The following RBMS1 variants were observed in gnomAD, a reference collection of about 807,000 sequenced individuals.
RBMS1 encodes RNA binding motif single stranded interacting protein 1.
In RBMS1, 17 loss-of-function variants were observed where a neutral mutation model predicts 62.3. That is an observed-to-expected ratio of 0.27 (90% CI 0.19 to 0.41). RBMS1 has a LOEUF of 0.41. Among genes scored for constraint, RBMS1 ranks in the 10% least tolerant of loss-of-function variants. The pLI is 1.00. For missense variants in RBMS1, 334 were observed against 504.5 expected (o/e 0.66, Z 3.24); for synonymous variants, 172 against 170.0 (o/e 1.01, Z -0.09).
At chr2:160,326,028 G>T (rs994860865) in intron 2 of RBMS1, among the ~76,000 whole-genome samples, 6 of 152,158 alleles carry the variant, frequency 3.9e-5, no homozygotes, top group African/African-American at 1.4e-4. Flanking sequence ...TTATATGGCT[G>T]AGTGTACCTT....
chr2:160,457,126 A>C (rs7422004), intron 1 of RBMS1, among the ~76,000 whole-genome samples: 3 of 150,950 alleles, frequency 2.0e-5, no homozygotes, highest in Admixed American at 6.6e-5. Flanking sequence ...TTATTTAATT[A>C]ATTTATTTAT....
chr2:160,394,265 A>G (rs1695019660), intron 1 of RBMS1, among the ~76,000 whole-genome samples: 1 of 152,220 alleles, frequency 6.6e-6, no homozygotes, highest in Non-Finnish European at 1.5e-5. Flanking sequence ...TGTTCCTCAC[A>G]GACGAGCCTT....
intron 1 of RBMS1, among the ~76,000 whole-genome samples, chr2:160,433,463 A>AT (rs1682985735): frequency 6.6e-6 from 1 of 152,258 alleles, no homozygotes; most frequent in African/African-American, 2.4e-5. Flanking sequence ...AAGTTTGTTC[A>AT]CAGTTATGAG....
intron 1 of RBMS1, among the ~76,000 whole-genome samples, chr2:160,422,456 A>G (rs974507808): frequency 6.6e-6 from 1 of 152,160 alleles, no homozygotes; most frequent in African/African-American, 2.4e-5. Context: ...ATTGTGCCAG[A>G]CATTGTTTTA....
intron 1 of RBMS1, among the ~76,000 whole-genome samples, chr2:160,451,302 TG>T (rs1349710654): frequency 1.2e-4 from 18 of 152,208 alleles, no homozygotes; most frequent in South Asian, 4.1e-4. Flanking sequence ...CTTTGGGTGT[TG>T]GTTGTTTTGT....
At chr2:160,280,359 T>C (rs893229946) in intron 10 of RBMS1, among the ~76,000 whole-genome samples, 3 of 152,204 alleles carry the variant, frequency 2.0e-5, no homozygotes, top group African/African-American at 7.2e-5. Flanking sequence ...GCCTCTCCTA[T>C]TTCATCACCT....
intron 2 of RBMS1, among the ~76,000 whole-genome samples, chr2:160,347,818 T>G (rs558024588): frequency 6.6e-6 from 1 of 152,216 alleles, no homozygotes; most frequent in Admixed American, 6.5e-5. Context: ...TCTAGCCCAA[T>G]AACACACCAG....
At chr2:160,463,081 A>G (rs550354277) in intron 1 of RBMS1, among the ~76,000 whole-genome samples, 17 of 145,826 alleles carry the variant, frequency 1.2e-4, no homozygotes, top group Admixed American at 1.3e-4. Flanking sequence ...ACCCGCTGTC[A>G]AGAGAAGAAA....
At chr2:160,416,785 T>G (rs1574031616) in intron 1 of RBMS1, among the ~76,000 whole-genome samples, 1 of 152,208 alleles carries the variant, frequency 6.6e-6, no homozygotes, top group African/African-American at 2.4e-5. Flanking sequence ...TGAATGCTAC[T>G]GTCTCTCCTT....
chr2:160,488,446 C>T (rs1006248401), intron 1 of RBMS1, among the ~76,000 whole-genome samples: 1 of 152,080 alleles, frequency 6.6e-6, no homozygotes, highest in Non-Finnish European at 1.5e-5. Flanking sequence ...AATTGTGGCA[C>T]GCGCCTGTAG....
intron 1 of RBMS1, chr2:160,407,643 C>T: frequency 1.0e-6 from 1 of 982,008 alleles, no homozygotes; most frequent in Non-Finnish European, 1.2e-6. Context: ...CGCGGCAGCT[C>T]TGGGAACTCC....
intron 6 of RBMS1, among the ~76,000 whole-genome samples, chr2:160,299,254 G>A (rs969645965): frequency 3.3e-5 from 5 of 152,320 alleles, no homozygotes; most frequent in Middle Eastern, 3.4e-3. Context: ...AGGAACCAGA[G>A]TGCTTAGTTT....
At chr2:160,481,251 A>G (rs1012838163) in intron 1 of RBMS1, among the ~76,000 whole-genome samples, 5 of 152,030 alleles carry the variant, frequency 3.3e-5, no homozygotes, top group African/African-American at 1.2e-4. Flanking sequence ...GGTGGAACAA[A>G]CAACAATAAC....
intron 2 of RBMS1, among the ~76,000 whole-genome samples, chr2:160,346,077 G>C (rs10168504): frequency 2.0e-5 from 3 of 151,984 alleles, no homozygotes; most frequent in Non-Finnish European, 4.4e-5. Context: ...AGCCTTCTCC[G>C]GTCTTTAGGG....
intron 1 of RBMS1, among the ~76,000 whole-genome samples, chr2:160,383,324 T>C (rs1694377665): frequency 3.3e-5 from 5 of 151,998 alleles, no homozygotes; most frequent in Admixed American, 3.3e-4. Flanking sequence ...TATCCTCTTC[T>C]TGAAAGGACA....
At chr2:160,431,415 C>T (rs1333120673) in intron 1 of RBMS1, among the ~76,000 whole-genome samples, 1 of 151,984 alleles carries the variant, frequency 6.6e-6, no homozygotes, top group Non-Finnish European at 1.5e-5. Flanking sequence ...TTTCCCACAG[C>T]AGTCACAATG....
At chr2:160,405,151 C>T (rs547818770) in intron 1 of RBMS1, among the ~76,000 whole-genome samples, 2 of 152,282 alleles carry the variant, frequency 1.3e-5, no homozygotes, top group East Asian at 3.9e-4. Context: ...TAGTGAAGTA[C>T]TCAATGAAAG....
At chr2:160,394,067 TAGA>T (rs1695009287) in intron 1 of RBMS1, among the ~76,000 whole-genome samples, 1 of 152,238 alleles carries the variant, frequency 6.6e-6, no homozygotes, top group African/African-American at 2.4e-5. Context: ...TTTCATGTTG[TAGA>T]CACCAGAAAC....
intron 7 of RBMS1, 136 bp from the exon 8 acceptor site, chr2:160,285,180 G>A (rs1035917930): frequency 1.1e-5 from 9 of 789,942 alleles, no homozygotes; most frequent in Non-Finnish European, 1.9e-5. Flanking sequence ...TCCTTTTGAA[G>A]CCCAGGAGTT....
Sources: gnomAD v4.1 joint callset for allele counts (sites outside exome capture counted in the v4.1 genomes callset) on GRCh38, gnomAD v4.1.1 for gene constraint, MANE v1.5 for transcripts, NCBI Gene and HGNC (gene_info 2026-07-23, HGNC 2026-07-21) for gene names.